NBEA: variants seen among roughly 807,000 people sequenced by gnomAD.
NBEA encodes neurobeachin.
Under a neutral mutation model 343.4 loss-of-function variants are expected in NBEA, and 44 were observed. The ratio of observed to expected loss-of-function variants is 0.13; its 90% confidence interval spans 0.10 to 0.16. The LOEUF is 0.16. Among genes scored for constraint, NBEA ranks in the 10% least tolerant of loss-of-function variants. NBEA has a pLI of 1.00. For missense variants in NBEA, 2,555 were observed against 3,631.3 expected, an observed-to-expected ratio of 0.70 and a Z score of 7.62; for synonymous variants, 1,175 against 1,238.7, an observed-to-expected ratio of 0.95 and a Z score of 1.08.
chr13:35,301,773 A>C (rs1428199064), intron 35 of NBEA, among the ~76,000 whole-genome samples: 1 of 152,114 alleles, frequency 6.6e-6, no homozygotes, highest in Non-Finnish European at 1.5e-5. Context: ...TGTCTTCCAC[A>C]CTGGCTGAAC....
intron 44 of NBEA, among the ~76,000 whole-genome samples, chr13:35,555,813 C>G (rs2079546950): frequency 6.6e-6 from 1 of 151,918 alleles, no homozygotes; most frequent in Non-Finnish European, 1.5e-5. Flanking sequence ...TTCAAATAAC[C>G]ACATAAATAA....
chr13:35,364,403 A>G (rs2040988539), intron 38 of NBEA, among the ~76,000 whole-genome samples: 1 of 151,894 alleles, frequency 6.6e-6, no homozygotes, highest in Non-Finnish European at 1.5e-5. Flanking sequence ...ATATTGAGAC[A>G]CAAGTAAGGA....
At chr13:35,221,673 G>A (rs2074379276) in intron 33 of NBEA, among the ~76,000 whole-genome samples, 1 of 152,124 alleles carries the variant, frequency 6.6e-6, no homozygotes, top group Admixed American at 6.5e-5. Flanking sequence ...CCTTAATGAA[G>A]TCAAGGTTAG....
intron 31 of NBEA, among the ~76,000 whole-genome samples, chr13:35,205,586 T>C (rs2073335803): frequency 6.6e-6 from 1 of 152,160 alleles, no homozygotes; most frequent in Admixed American, 6.6e-5. Context: ...CATGATTCTG[T>C]TTGTCATTAT....
intron 41 of NBEA, among the ~76,000 whole-genome samples, chr13:35,492,344 A>C (rs2076532512): frequency 6.6e-6 from 1 of 152,010 alleles, no homozygotes; most frequent in Non-Finnish European, 1.5e-5. Flanking sequence ...GGAAATAAAC[A>C]ATTTTTAAAA....
intron 17 of NBEA, among the ~76,000 whole-genome samples, chr13:35,128,916 A>G (rs1481691587): frequency 1.3e-5 from 2 of 152,090 alleles, no homozygotes; most frequent in Non-Finnish European, 2.9e-5. Context: ...ATCTGAAAGC[A>G]TGGATGAAAA....
chr13:35,457,698 T>C (rs1234141691), intron 40 of NBEA, among the ~76,000 whole-genome samples: 1 of 152,086 alleles, frequency 6.6e-6, no homozygotes, highest in Non-Finnish European at 1.5e-5. Context: ...AAGCTCTGCC[T>C]CCCGGGTTCA....
chr13:35,171,028 A>G, intron 25 of NBEA: 1 of 598,046 alleles, frequency 1.7e-6, no homozygotes, highest in Non-Finnish European at 3.1e-6. Flanking sequence ...TTATAACTAA[A>G]GACATTTAAA....
chr13:35,362,147 ATATT>A (rs1386651662), intron 38 of NBEA, among the ~76,000 whole-genome samples: 1 of 152,026 alleles, frequency 6.6e-6, no homozygotes, highest in Non-Finnish European at 1.5e-5. Flanking sequence ...TCTGCATTAT[ATATT>A]TATTGTAAAG....
At chr13:34,999,768 C>T (rs550258349) in intron 1 of NBEA, among the ~76,000 whole-genome samples, 35 of 150,408 alleles carry the variant, frequency 2.3e-4, no homozygotes, top group Middle Eastern at 3.4e-3. Context: ...CCACACTTAA[C>T]AGATGTGGGA....
At chr13:35,181,344 T>G (rs1208534418) in intron 28 of NBEA, among the ~76,000 whole-genome samples, 1 of 151,816 alleles carries the variant, frequency 6.6e-6, no homozygotes, top group African/African-American at 2.4e-5. Context: ...TATTTTTTTA[T>G]TATGGCCATT....
intron 40 of NBEA, among the ~76,000 whole-genome samples, chr13:35,457,659 A>G (rs2046657854): frequency 6.6e-6 from 1 of 152,044 alleles, no homozygotes; most frequent in African/African-American, 2.4e-5. Context: ...CCCAGGCTGG[A>G]CTGCAGTGGC....
chr13:35,298,617 C>T (rs1449098240), intron 35 of NBEA, among the ~76,000 whole-genome samples: 1 of 151,794 alleles, frequency 6.6e-6, no homozygotes, highest in Non-Finnish European at 1.5e-5. Flanking sequence ...GTAAAACAGT[C>T]TAGACTTTTT....
chr13:35,537,140 T>A (rs1383241125), intron 41 of NBEA, among the ~76,000 whole-genome samples: 1 of 152,076 alleles, frequency 6.6e-6, no homozygotes, highest in Non-Finnish European at 1.5e-5. Context: ...ATACAAATGG[T>A]AAATTTTGAT....
At chr13:35,193,716 G>A (rs915275280) in intron 30 of NBEA, among the ~76,000 whole-genome samples, 2 of 151,788 alleles carry the variant, frequency 1.3e-5, no homozygotes, top group Admixed American at 1.3e-4. Flanking sequence ...AAGCAGTAAA[G>A]AATCTACCCT....
intron 1 of NBEA, among the ~76,000 whole-genome samples, chr13:35,003,432 G>A (rs999354125): frequency 6.6e-6 from 1 of 152,032 alleles, no homozygotes; most frequent in East Asian, 1.9e-4. Flanking sequence ...AGAAAATGCA[G>A]GTATATGCTT....
chr13:35,461,685 A>G (rs2046911868), intron 40 of NBEA, among the ~76,000 whole-genome samples: 1 of 152,188 alleles, frequency 6.6e-6, no homozygotes, highest in Non-Finnish European at 1.5e-5. Context: ...TGCCATACCT[A>G]AGAGTGTCCT....
intron 36 of NBEA, among the ~76,000 whole-genome samples, chr13:35,329,923 T>G (rs773074498): frequency 1.3e-5 from 2 of 151,982 alleles, no homozygotes; most frequent in Admixed American, 1.3e-4. Flanking sequence ...CACACTGAAT[T>G]AGGAATCTAC....
intron 16 of NBEA, among the ~76,000 whole-genome samples, chr13:35,122,265 G>A (rs2066843984): frequency 6.6e-6 from 1 of 152,034 alleles, no homozygotes; most frequent in Non-Finnish European, 1.5e-5. Flanking sequence ...AAAGACACAT[G>A]CACACGTATG....
Sources: allele counts gnomAD v4.1 joint callset (sites outside exome capture counted in the v4.1 genomes callset), GRCh38; gene constraint gnomAD v4.1.1; transcripts MANE v1.5; gene names NCBI Gene and HGNC (gene_info 2026-07-23, HGNC 2026-07-21).